The following ABCA9 variants were observed in gnomAD, a reference collection of about 807,000 sequenced individuals.
ABCA9 encodes the protein ATP binding cassette subfamily A member 9.
In ABCA9, 183 loss-of-function variants were observed where a neutral mutation model predicts 205.3. The ratio of observed to expected loss-of-function variants is 0.89; its 90% confidence interval spans 0.79 to 1.01. The LOEUF (loss-of-function observed/expected upper bound fraction) is 1.01. ABCA9 is among the 50% of genes least tolerant of loss of function. The pLI is 0.00. For missense variants in ABCA9, 1,805 were observed against 1,912.4 expected, an observed-to-expected ratio of 0.94 and a Z score of 1.05; for synonymous variants, 651 against 683.3, an observed-to-expected ratio of 0.95 and a Z score of 0.74.
At chr17:69,000,039 T>C (rs1377345982) in intron 25 of ABCA9, among the ~76,000 whole-genome samples, 1 of 152,096 alleles carries the variant, frequency 6.6e-6, no homozygotes, top group Non-Finnish European at 1.5e-5. Context: ...CTTTGTCAGA[T>C]GAGTAGGTTG....
intron 1 of ABCA9, among the ~76,000 whole-genome samples, chr17:69,057,593 T>C (rs1297333768): frequency 6.6e-6 from 1 of 152,232 alleles, no homozygotes; most frequent in African/African-American, 2.4e-5. Flanking sequence ...GATATGTCTG[T>C]CCAAAAGCCA....
intron 13 of ABCA9, 26 bp from the exon 14 acceptor site, chr17:69,027,475 C>G (rs748647287): frequency 6.3e-7 from 1 of 1,585,988 alleles, no homozygotes; most frequent in Non-Finnish European, 8.5e-7. Context: ...ATATTTAGTC[C>G]AAAACCCAGA....
intron 25 of ABCA9, among the ~76,000 whole-genome samples, chr17:68,996,818 A>T (rs938472341): frequency 2.6e-5 from 4 of 152,202 alleles, no homozygotes; most frequent in Admixed American, 2.6e-4. Context: ...AGGTCTTTTT[A>T]AGGAACTATA....
rs370609961 is a variant in ABCA9, at chr17:69,028,601, C to G, written c.1549G>C (p.Gly517Arg). Reference protein sequence around the residue: ...IYEGQITALLGHSGAGKTTLL... With the variant: ...IYEGQITALLRHSGAGKTTLL... ...GTAGTTTTTCCAGCTCCACTGTGAC[C>G]AAGGAGGGCAGTGATCTGGCCTTCA... The change falls in exon 12 of 39, where the codon GGT becomes CGT. Residue 517 changes from glycine to arginine, a missense_variant. Physicochemically the swap from Gly to Arg is moderately radical, Grantham distance 125. Transcript: ENST00000340001. 1.2e-6 allele frequency: 2 copies of G among 1,609,658 alleles called. No homozygotes were observed. The highest frequency in any genetic ancestry group is 2.2e-5 in the South Asian group (2 of 90,504).
At chr17:69,010,196 G>A (rs1478037682) in intron 23 of ABCA9, among the ~76,000 whole-genome samples, 1 of 151,568 alleles carries the variant, frequency 6.6e-6, no homozygotes, top group African/African-American at 2.4e-5. Flanking sequence ...AAAAGCAAAG[G>A]TTCAGATAAT....
intron 32 of ABCA9, 45 bp from the exon 33 acceptor site, chr17:68,985,173 T>C (rs2069190418): frequency 2.5e-6 from 4 of 1,613,328 alleles, no homozygotes; most frequent in African/African-American, 1.3e-5. Context: ...CACTGGCGAA[T>C]GTACATGGGA....
In ABCA9 at chr17:69,049,418, T is replaced by A; in HGVS notation, c.169A>T (p.Thr57Ser). Residue 57 changes from threonine (T) to serine (S), a missense_variant, in exon 3 of 39, where the codon ACT (threonine) becomes TCT (serine). Physicochemically the swap from Thr to Ser is moderately conservative, Grantham distance 58. Transcript: ENST00000340001. ...AGATCCATTGAAGACATTTGAGGAGTGTCATGAACTTGATGTAAATTGGAG... is the reference window on the plus strand; with the variant it reads ...AGATCCATTGAAGACATTTGAGGAGAGTCATGAACTTGATGTAAATTGGAG... Reference protein sequence around the residue: ...FFSNLHQVHDTPQMSSMDLGR... With the variant: ...FFSNLHQVHDSPQMSSMDLGR... 1 of 1,612,804 alleles carries A rather than the reference T, an allele frequency of 6.2e-7. No homozygotes were observed. The highest frequency in any genetic ancestry group is 8.5e-7 in the Non-Finnish European group (1 of 1,179,260).
At chr17:69,031,482 A>G (rs2071145683) in intron 10 of ABCA9, among the ~76,000 whole-genome samples, 1 of 152,240 alleles carries the variant, frequency 6.6e-6, no homozygotes, top group South Asian at 2.1e-4. Context: ...GATGAATACA[A>G]CATTGAATGA....
At position 69,000,777 on chromosome 17, in the gene ABCA9, T is replaced by C. The variant is rs1043501712; in HGVS notation, c.3436-4763A>G. ...CCCATGAGCATGGAATGTTCTTCCA[T>C]TTGTATCCTCTTTTATTTCCTTGAG... is the stretch of plus-strand genomic sequence containing the variant. On this transcript the variant is annotated intron_variant, in intron 25 of 38. Transcript: ENST00000340001. 4.6e-5 allele frequency among the ~76,000 whole-genome samples: 7 copies of C among 150,652 alleles called. No individual in the cohort carries two copies. In the East Asian group the frequency reaches 1.2e-3, roughly 25 times the overall value.
At position 69,035,758 on chromosome 17, in the gene ABCA9, C is replaced by A. The variant is rs1441880612; in HGVS notation, c.844G>T (p.Ala282Ser). 1 of 1,613,434 alleles carries A rather than the reference C, an allele frequency of 6.2e-7. No individual in the cohort carries two copies. The highest frequency in any genetic ancestry group is 1.3e-5 in the African/African-American group (1 of 74,866). Reference protein sequence around the residue: ...LMYAGFILIMATLMALIVKSA... With the variant: ...LMYAGFILIMSTLMALIVKSA... ...TTTACAATAAGAGCCATTAAAGTGG[C>A]CATGATAAGGATGAAGCCAGCATAC... The change falls in exon 7 of 39, where the codon GCC becomes TCC. Residue 282 changes from alanine to serine, a missense_variant. Physicochemically the swap from Ala to Ser is moderately conservative, Grantham distance 99. Transcript: ENST00000340001.
intron 21 of ABCA9, 29 bp from the exon 22 acceptor site, chr17:69,016,419 T>A (rs760571547): frequency 6.5e-7 from 1 of 1,544,810 alleles, no homozygotes; most frequent in East Asian, 2.4e-5. Context: ...CAATTCGAAG[T>A]CTTCATAAAG....
intron 6 of ABCA9, among the ~76,000 whole-genome samples, chr17:69,036,204 C>T (rs2071334060): frequency 6.6e-6 from 1 of 152,084 alleles, no homozygotes; most frequent in African/African-American, 2.4e-5. Flanking sequence ...TAAATAGCCA[C>T]ATTGTGAATA....
chr17:69,074,370 T>C, the ABCA9 span, among the ~76,000 whole-genome samples: 5 of 152,200 alleles, frequency 3.3e-5, no homozygotes, highest in Non-Finnish European at 4.4e-5. Flanking sequence ...ATAGTGAGTA[T>C]AGTAAACAAT....
At chr17:69,005,568 G>A (rs1029704684) in intron 25 of ABCA9, among the ~76,000 whole-genome samples, 3 of 152,186 alleles carry the variant, frequency 2.0e-5, no homozygotes, top group Admixed American at 2.0e-4. Context: ...ATTGCTTGTT[G>A]AGGATGGAAG....
intron 23 of ABCA9, 40 bp downstream of exon 23, chr17:69,011,936 C>G (rs767928783): frequency 1.4e-6 from 2 of 1,449,390 alleles, no homozygotes; most frequent in Non-Finnish European, 9.5e-7. Context: ...GAAGGGTTCT[C>G]TAGATATAAA....
At chr17:69,072,956 T>A in the ABCA9 span, among the ~76,000 whole-genome samples, 9 of 152,268 alleles carry the variant, frequency 5.9e-5, no homozygotes, top group African/African-American at 2.2e-4. Context: ...AATCCTAGTC[T>A]CTGATAAAAC....
Position 69,035,729 on chromosome 17 carries a change from A to G in ABCA9, c.873T>C (p.Ser291=). 1 of 1,613,748 alleles carries G rather than the reference A, an allele frequency of 6.2e-7. No individual in the cohort carries two copies. The highest frequency in any genetic ancestry group is 8.5e-7 in the Non-Finnish European group (1 of 1,179,814). The change falls in exon 7 of 39, where the codon TCT becomes TCC. Residue 291 remains serine (S), a synonymous_variant. Transcript: ENST00000340001. ...AACCAGTCAGGACGACAATTTGTGCAGATTTTACAATAAGAGCCATTAAAG... is the reference window on the plus strand; with the variant it reads ...AACCAGTCAGGACGACAATTTGTGCGGATTTTACAATAAGAGCCATTAAAG... ...MATLMALIVK[S]AQIVVLTGFV... is the part of the protein sequence containing the mutation.
chr17:68,986,282 G>T lies in ABCA9; in HGVS notation c.4090C>A (p.Leu1364Met). 1 of 1,613,400 alleles carries T rather than the reference G, an allele frequency of 6.2e-7. No individual in the cohort carries two copies. Among genetic ancestry groups the T allele is most frequent in the Non-Finnish European group, 8.5e-7 (1 of 1,179,664 alleles). ...GSGGGEPLGF[L>M]GYCPQENALW... ...GCATTCTCCTGAGGGCAGTACCCCA[G>T]GAAGCCCAGGGGTTCCCCTCCACCG... The change falls in exon 32 of 39, where the codon CTG becomes ATG. Residue 1364 changes from leucine (L) to methionine (M), a missense_variant. By Grantham distance (15) the Leu-to-Met change is conservative (BLOSUM62 2). Transcript: ENST00000340001.
chr17:69,001,268 A>G (rs562926470), intron 25 of ABCA9, among the ~76,000 whole-genome samples: 3 of 151,666 alleles, frequency 2.0e-5, no homozygotes, highest in Non-Finnish European at 4.4e-5. Context: ...GTCATAGATA[A>G]CTCTTATTAT....
Sources: gnomAD v4.1 joint callset for allele counts (sites outside exome capture counted in the v4.1 genomes callset) on GRCh38, gnomAD v4.1.1 for gene constraint, MANE v1.5 for transcripts, NCBI Gene and HGNC (gene_info 2026-07-23, HGNC 2026-07-21) for gene names.